PKD1L1: variants seen among roughly 807,000 people sequenced by gnomAD.
PKD1L1 encodes polycystin 1 like 1, transient receptor potential channel interacting.
A neutral mutation model predicts 323.4 loss-of-function variants in PKD1L1; 236 were observed. That is an observed-to-expected ratio of 0.73 (90% CI 0.66 to 0.81). The LOEUF (loss-of-function observed/expected upper bound fraction) is 0.81. Ranked by LOEUF, PKD1L1 falls within the 40% of genes least tolerant of loss-of-function variation. The pLI is 0.00. For synonymous variants in PKD1L1, 1,344 were observed against 1,335.0 expected (o/e 1.01, Z -0.15); for missense variants, 3,320 against 3,508.0 (o/e 0.95, Z 1.35).
Position 47,813,307 on chromosome 7 carries a change from C to T in PKD1L1, c.7174-14G>A, listed in dbSNP as rs754027442. 5.0e-6 allele frequency: 8 copies of T among 1,613,594 alleles called. No homozygotes were observed. The East Asian group carries it at 1.8e-4, about 36-fold the overall frequency. Reference sequence around the variant, plus strand: ...TGGCCTGGGAGGCTGCAGAACAAACCAGCAGTCAGAAGACACAGATACTAT... The same window carrying T: ...TGGCCTGGGAGGCTGCAGAACAAACTAGCAGTCAGAAGACACAGATACTAT... On this transcript the variant is annotated splice_polypyrimidine_tract_variant and intron_variant, in intron 48 of 56. Coordinates refer to ENST00000289672, the MANE Select transcript of PKD1L1 (RefSeq NM_138295.5).
Position 47,880,320 on chromosome 7 carries a change from C to T in PKD1L1, c.3520+408G>A, listed in dbSNP as rs1288694306. ...TTTTTTTGAGACAGTCTTGCTCTGT[C>T]GCCCAGGCTGGAGTTCAGTGGCGCG... On this transcript the variant is annotated intron_variant, in intron 21 of 56. Coordinates refer to ENST00000289672, the MANE Select transcript of PKD1L1 (RefSeq NM_138295.5). 7.9e-5 allele frequency among the ~76,000 whole-genome samples: 8 copies of T among 101,680 alleles called. 1 individual carries two copies. The highest frequency in any genetic ancestry group is 3.2e-4 in the South Asian group (1 of 3,116). 66.7% of individuals were successfully genotyped at this position (101,680 alleles called of 152,430 possible). A position where few individuals can be genotyped will look rare whatever the true frequency, so the allele number is the denominator to read the frequency against.
At chr7:47,903,685 C>T (rs569278251) in intron 12 of PKD1L1, among the ~76,000 whole-genome samples, 1 of 152,282 alleles carries the variant, frequency 6.6e-6, no homozygotes, top group Non-Finnish European at 1.5e-5. Context: ...TACTTCTGCA[C>T]CCTTTGACAT....
rs1427713768 is a variant in PKD1L1 at position 47,943,466 on chromosome 7, A to C, written c.90T>G (p.Ser30=). The part of the protein sequence containing the change: ...ACCLSFGGEL[S]VSTDKSWGLH... ...GACCCCAGCTCTTGTCAGTGCTCAC[A>C]GACAGCTCACCACCAAAGGAAAGGC... The change falls in exon 2 of 57, where the codon TCT becomes TCG. Residue 30 remains serine (S), a synonymous_variant. Transcript: ENST00000289672. The C allele has an allele frequency of 2.5e-6, 4 of 1,613,408 alleles. No homozygotes were observed. In the African/African-American group the frequency reaches 5.3e-5, roughly 22 times the overall value.
intron 41 of PKD1L1, among the ~76,000 whole-genome samples, chr7:47,832,372 A>G (rs17131827): frequency 0.16 from 25,105 of 152,154 alleles, 2,633 homozygotes; most frequent in African/African-American, 0.29. Context: ...ACTTGTGCCT[A>G]CGCTGAAGGC....
chr7:47,896,152 C>G (rs1786930156), intron 14 of PKD1L1, among the ~76,000 whole-genome samples: 1 of 151,930 alleles, frequency 6.6e-6, no homozygotes, highest in Non-Finnish European at 1.5e-5. Context: ...GCCTGTGCAA[C>G]AGGGTGAAAC....
intron 37 of PKD1L1, 56 bp downstream of exon 37, chr7:47,836,865 G>A: frequency 1.3e-6 from 2 of 1,546,628 alleles, no homozygotes; most frequent in Non-Finnish European, 8.8e-7. Context: ...AGGCAAAAAG[G>A]GGCCACAGTG....
intron 8 of PKD1L1, among the ~76,000 whole-genome samples, chr7:47,910,790 C>T (rs1275288277): frequency 2.7e-5 from 4 of 150,014 alleles, no homozygotes; most frequent in South Asian, 2.1e-4. Context: ...CCAAGTAGCT[C>T]GGATTACAGG....
intron 1 of PKD1L1, 78 bp from the exon 2 acceptor site, chr7:47,943,589 C>T: frequency 9.1e-7 from 1 of 1,096,724 alleles, no homozygotes; most frequent in Non-Finnish European, 1.3e-6. Flanking sequence ...GACCACTCTT[C>T]CATCCATATC....
At position 47,865,288 on chromosome 7, in the gene PKD1L1, A is replaced by G. The variant is rs760118391; in HGVS notation, c.4093-16T>C. 6.2e-6 allele frequency: 10 copies of G among 1,606,876 alleles called. No homozygotes were observed. Among genetic ancestry groups the G allele is most frequent in the Non-Finnish European group, 8.5e-6 (10 of 1,175,810 alleles). On this transcript the variant is annotated splice_polypyrimidine_tract_variant and intron_variant, in intron 25 of 56. Transcript: ENST00000289672. ...TCATTTCTTCCTGACCAGAAGAAAC[A>G]ACAATAAAACAAAAAGAAAATGCAA...
At chr7:47,794,628 G>C (rs1259874859) in intron 55 of PKD1L1, among the ~76,000 whole-genome samples, 2 of 152,090 alleles carry the variant, frequency 1.3e-5, no homozygotes, top group African/African-American at 4.8e-5. Flanking sequence ...GTGAGAAGAG[G>C]GCCACCATCC....
At chr7:47,893,229 CAAAAAAAA>C (rs529686945) in intron 15 of PKD1L1, among the ~76,000 whole-genome samples, 125 of 53,020 alleles carry the variant, frequency 2.4e-3, no homozygotes, top group African/African-American at 6.7e-3. Context: ...GACCCTATCT[CAAAAAAAA>C]AAAAAAAAAA....
At chr7:47,879,887 CG>C (rs61267365) in intron 21 of PKD1L1, among the ~76,000 whole-genome samples, 50,958 of 146,076 alleles carry the variant, frequency 0.35, 10,199 homozygotes, top group African/African-American at 0.54. Flanking sequence ...GAGCCAAGAT[CG>C]GGCCACTGCA....
chr7:47,865,382 G>C (rs1490833313), intron 25 of PKD1L1, 110 bp from the exon 26 acceptor site: 1 of 954,068 alleles, frequency 1.0e-6, no homozygotes, highest in African/African-American at 1.7e-5. Context: ...CAGATTCCCT[G>C]CTTTTTGGCC....
In PKD1L1 at chr7:47,855,234, G is replaced by C. The variant is rs772386683; in HGVS notation, c.4622C>G (p.Thr1541Ser). 1 of 1,613,904 alleles carries C rather than the reference G, an allele frequency of 6.2e-7. No individual in the cohort carries two copies. Among genetic ancestry groups the C allele is most frequent in the African/African-American group, 1.3e-5 (1 of 74,910 alleles). ...GTTGATGGGTCTTCTGCTGGAGCAG[G>C]TATAGAGGTTGAGGCCCACAACTCC... The part of the protein sequence containing the change: ...IGGVVGLNLY[T>S]CSSRRPINRQ... The change falls in exon 29 of 57, where the codon ACC becomes AGC. Residue 1541 changes from threonine to serine, a missense_variant. Transcript: ENST00000289672.
chr7:47,784,444 T>C (rs1786762647), intron 56 of PKD1L1, among the ~76,000 whole-genome samples: 2 of 152,164 alleles, frequency 1.3e-5, no homozygotes, highest in Admixed American at 6.5e-5. Context: ...ACCCTATCAT[T>C]TTGTCATCTC....
At chr7:47,801,216 G>A (rs1784654960) in intron 53 of PKD1L1, among the ~76,000 whole-genome samples, 1 of 152,082 alleles carries the variant, frequency 6.6e-6, no homozygotes, top group Admixed American at 6.5e-5. Flanking sequence ...GGCCCCCTTA[G>A]GAAGCCATGG....
At chr7:47,891,080 C>T (rs1003933957) in intron 15 of PKD1L1, among the ~76,000 whole-genome samples, 13 of 152,316 alleles carry the variant, frequency 8.5e-5, no homozygotes, top group Admixed American at 4.6e-4. Context: ...ATGACTGCCA[C>T]TTCCCAAGTC....
intron 24 of PKD1L1, among the ~76,000 whole-genome samples, chr7:47,868,035 T>C (rs1786203503): frequency 6.6e-6 from 1 of 152,208 alleles, no homozygotes; most frequent in Non-Finnish European, 1.5e-5. Context: ...TCTACAGAGC[T>C]GTACTGTTGG....
At position 47,791,555 on chromosome 7, in the gene PKD1L1, C is replaced by T. The variant is rs969836648; in HGVS notation, c.8526+1072G>A. Among the ~76,000 whole-genome samples the T allele has an allele frequency of 2.6e-5, 4 of 151,456 alleles. No homozygotes were observed. The East Asian group carries it at 5.8e-4, about 22-fold the overall frequency. On this transcript the variant is annotated intron_variant, in intron 56 of 56. Transcript: ENST00000289672. The stretch of plus-strand genomic sequence containing the variant: ...GATGGCAATTGTTTTCAAAGTTATA[C>T]CCTTCATCTTCACTTTTGGTCATTT...
Sources: allele counts gnomAD v4.1 joint callset (sites outside exome capture counted in the v4.1 genomes callset), GRCh38; gene constraint gnomAD v4.1.1; transcripts MANE v1.5; gene names NCBI Gene and HGNC (gene_info 2026-07-23, HGNC 2026-07-21).